ATP8B4: variants seen among roughly 807,000 people sequenced by gnomAD.
ATP8B4 encodes the protein probable phospholipid-transporting ATPase IM.
A neutral mutation model predicts 145.6 loss-of-function variants in ATP8B4; 133 were observed. The ratio of observed to expected loss-of-function variants is 0.91; its 90% CI spans 0.79 to 1.05. The LOEUF (loss-of-function observed/expected upper bound fraction) is 1.05. Among genes scored for constraint, ATP8B4 ranks in the 50% least tolerant of loss-of-function variants. The pLI, the probability that ATP8B4 is intolerant of heterozygous loss-of-function variation, is 0.00. For synonymous variants in ATP8B4, 507 were observed against 492.9 expected, an observed-to-expected ratio of 1.03 and a Z score of -0.38; for missense variants, 1,458 against 1,425.2, an observed-to-expected ratio of 1.02 and a Z score of -0.37.
At chr15:50,057,246 C>T (rs954437229) in intron 3 of ATP8B4, among the ~76,000 whole-genome samples, 5 of 152,158 alleles carry the variant, frequency 3.3e-5, no homozygotes, top group African/African-American at 4.8e-5. Flanking sequence ...CATCTCCAGG[C>T]GCTATGCTGA....
chr15:50,014,305 T>C (rs1001251106), intron 6 of ATP8B4, among the ~76,000 whole-genome samples: 2 of 152,178 alleles, frequency 1.3e-5, no homozygotes, highest in African/African-American at 4.8e-5. Context: ...CACTCAAAAG[T>C]ATTCCCTTGC....
intron 25 of ATP8B4, among the ~76,000 whole-genome samples, chr15:49,871,166 T>TTTTCTGTTTTCTTG (rs1344364041): frequency 5.3e-5 from 8 of 152,246 alleles, no homozygotes; most frequent in Admixed American, 2.0e-4. Context: ...AATCTTCTTG[T>TTTTCTGTTTTCTTG]TAAGTCTGTT....
At chr15:50,161,779 GAT>G (rs1187293184) in intron 1 of ATP8B4, among the ~76,000 whole-genome samples, 1 of 152,060 alleles carries the variant, frequency 6.6e-6, no homozygotes, top group East Asian at 1.9e-4. Flanking sequence ...TTTTATGCAA[GAT>G]ATGAGTTTTC....
At chr15:50,079,017 A>G (rs1439032411) in intron 2 of ATP8B4, among the ~76,000 whole-genome samples, 1 of 152,236 alleles carries the variant, frequency 6.6e-6, no homozygotes, top group Non-Finnish European at 1.5e-5. Context: ...ACTATTTGAC[A>G]GCAAACCAGG....
chr15:50,174,048 G>T (rs905216793), intron 1 of ATP8B4, among the ~76,000 whole-genome samples: 1 of 152,142 alleles, frequency 6.6e-6, no homozygotes, highest in African/African-American at 2.4e-5. Context: ...AAAATCACAT[G>T]ATCATCTCAA....
chr15:49,911,194 C>T (rs753211019), intron 20 of ATP8B4, among the ~76,000 whole-genome samples: 8 of 151,944 alleles, frequency 5.3e-5, no homozygotes, highest in South Asian at 2.1e-4. Flanking sequence ...TACAGAATGG[C>T]GGAATGGGTT....
At chr15:49,867,902 C>T (rs968041699) in intron 25 of ATP8B4, among the ~76,000 whole-genome samples, 5 of 152,030 alleles carry the variant, frequency 3.3e-5, no homozygotes, top group African/African-American at 4.8e-5. Flanking sequence ...CTGGACAAAA[C>T]AATACAAATA....
chr15:49,909,277 C>G (rs2038966982), intron 20 of ATP8B4, among the ~76,000 whole-genome samples: 1 of 152,168 alleles, frequency 6.6e-6, no homozygotes, highest in African/African-American at 2.4e-5. Context: ...ACTAACCCAG[C>G]CTGCCACTAC....
intron 15 of ATP8B4, 68 bp from the exon 16 acceptor site, chr15:49,931,375 A>T (rs549349156): frequency 1.3e-5 from 18 of 1,435,594 alleles, no homozygotes; most frequent in Non-Finnish European, 1.7e-5. Flanking sequence ...TCCAATGCCA[A>T]CTCCAACTCA....
At chr15:49,908,661 T>C (rs929712746) in intron 20 of ATP8B4, among the ~76,000 whole-genome samples, 4 of 152,074 alleles carry the variant, frequency 2.6e-5, no homozygotes, top group African/African-American at 9.7e-5. Flanking sequence ...CAAAGTGTCA[T>C]TTTGAGAGCC....
intron 8 of ATP8B4, among the ~76,000 whole-genome samples, chr15:49,999,155 T>C (rs1379149299): frequency 6.5e-4 from 99 of 151,844 alleles, no homozygotes; most frequent in Non-Finnish European, 7.7e-4. Flanking sequence ...CAATGATAGA[T>C]TGGATTAAGA....
chr15:49,861,029 CTT>C (rs2031600344), intron 27 of ATP8B4, among the ~76,000 whole-genome samples: 1 of 89,784 alleles, frequency 1.1e-5, no homozygotes, highest in South Asian at 3.0e-4. Context: ...TCCCACAACT[CTT>C]TCATTCCCCT....
At position 49,914,433 on chromosome 15, in the gene ATP8B4, G is replaced by A. The variant is rs998897593; in HGVS notation, c.2141+2501C>T. On this transcript the variant is annotated intron_variant, in intron 20 of 27. Coordinates refer to ENST00000284509, the MANE Select transcript of ATP8B4 (RefSeq NM_024837.4). Reference sequence around the variant, plus strand: ...ACTGGTCTCTAGGCAATGATTTTACGGCTAAGACCTCAAAAGCACAGGCAA... The same window carrying A: ...ACTGGTCTCTAGGCAATGATTTTACAGCTAAGACCTCAAAAGCACAGGCAA... Among the ~76,000 whole-genome samples, 6 of 152,168 alleles carry A rather than the reference G, an allele frequency of 3.9e-5. No individual in the cohort carries two copies. The East Asian group carries it at 5.8e-4, about 15-fold the overall frequency.
At chr15:50,158,478 G>A (rs1419131993) in intron 1 of ATP8B4, among the ~76,000 whole-genome samples, 2 of 151,288 alleles carry the variant, frequency 1.3e-5, no homozygotes, top group Non-Finnish European at 3.0e-5. Flanking sequence ...CGTCCGGGAG[G>A]GAGGTGGGGG....
chr15:50,072,924 CTCT>C (rs1567305671), intron 3 of ATP8B4, among the ~76,000 whole-genome samples: 207 of 10,510 alleles, frequency 0.02, 8 homozygotes, highest in Admixed American at 0.04. Context: ...TGCCCGGCCT[CTCT>C]CTCTCTCTCT....
At chr15:49,927,842 C>T (rs981472678) in intron 16 of ATP8B4, among the ~76,000 whole-genome samples, 5 of 152,060 alleles carry the variant, frequency 3.3e-5, no homozygotes, top group African/African-American at 1.2e-4. Context: ...ATCAGTGGCA[C>T]TGGTGATGAC....
In ATP8B4 at chr15:50,127,501, A is replaced by G. The variant is rs568102864; in HGVS notation, c.-42-20493T>C. 9.8e-5 allele frequency among the ~76,000 whole-genome samples: 15 copies of G among 152,286 alleles called. No individual in the cohort carries two copies. The South Asian group carries it at 2.7e-3, about 27-fold the overall frequency. On this transcript the variant is annotated intron_variant, in intron 1 of 3. Coordinates refer to the ATP8B4 transcript ENST00000558829. Reference sequence around the variant, plus strand: ...AAGGTGAGTTTGCCATCATCTCAGTATATCAGTCAATGTAATTTCTAGGTC... The same window carrying G: ...AAGGTGAGTTTGCCATCATCTCAGTGTATCAGTCAATGTAATTTCTAGGTC...
chr15:50,102,787 A>AAC (rs935088206), intron 2 of ATP8B4, among the ~76,000 whole-genome samples: 6 of 35,802 alleles, frequency 1.7e-4, no homozygotes, highest in East Asian at 0.059. Flanking sequence ...TGGACATAAC[A>AAC]AAAAAAAAAA....
Position 49,931,266 on chromosome 15 carries a change from G to C in ATP8B4, c.1495C>G (p.Leu499Val), listed in dbSNP as rs1188604587. The C allele has an allele frequency of 6.2e-7, 1 of 1,612,688 alleles. No individual in the cohort carries two copies. The highest frequency in any genetic ancestry group is 1.1e-5 in the South Asian group (1 of 91,020). Residue 499 changes from leucine to valine, a missense_variant, in exon 16 of 28, where the codon CTA (leucine) becomes GTA (valine). Physicochemically the swap from Leu to Val is conservative, Grantham distance 32. Transcript: ENST00000284509. Reference sequence around the variant, plus strand: ...CCAAAATTTCTAGCGGCAGTCACTAGAGCCCCTTCATCAGGTGACTGAACT... The same window carrying C: ...CCAAAATTTCTAGCGGCAGTCACTACAGCCCCTTCATCAGGTGACTGAACT... ...YQVQSPDEGA[L>V]VTAARNFGFI...
Sources: gnomAD v4.1 joint callset for allele counts (sites outside exome capture counted in the v4.1 genomes callset) on GRCh38, gnomAD v4.1.1 for gene constraint, MANE v1.5 for transcripts, NCBI Gene and HGNC (gene_info 2026-07-23, HGNC 2026-07-21) for gene names.